Variants in RNLS observed in about 807,000 individuals in gnomAD.
RNLS encodes the protein renalase.
In RNLS, 39 loss-of-function variants were observed where a neutral mutation model predicts 39.8. The observed-to-expected ratio is 0.98, with a 90% CI of 0.76 to 1.28. The LOEUF (loss-of-function observed/expected upper bound fraction) is 1.28. Ranked by LOEUF, RNLS falls within the 50% of genes most tolerant of loss-of-function variation. RNLS has a pLI of 0.00. For missense variants in RNLS, 410 were observed against 413.3 expected (o/e 0.99, Z 0.07); for synonymous variants, 147 against 150.7 (o/e 0.98, Z 0.18).
chr10:88,472,433 G>A (rs1008552597), intron 4 of RNLS, among the ~76,000 whole-genome samples: 3 of 152,110 alleles, frequency 2.0e-5, no homozygotes, highest in Middle Eastern at 3.2e-3. Flanking sequence ...TAACAAGCCC[G>A]AGACAGGAGG....
chr10:88,330,451 T>C (rs562234658), intron 5 of RNLS, among the ~76,000 whole-genome samples: 76 of 152,278 alleles, frequency 5.0e-4, no homozygotes, highest in African/African-American at 1.7e-3. Flanking sequence ...CAAAATGAGA[T>C]AGAATATCTC....
chr10:88,545,700 A>C (rs1006627771), intron 4 of RNLS, among the ~76,000 whole-genome samples: 1 of 152,208 alleles, frequency 6.6e-6, no homozygotes, highest in African/African-American at 2.4e-5. Context: ...TGAAGAGTAT[A>C]ATTCAGCATT....
intron 4 of RNLS, among the ~76,000 whole-genome samples, chr10:88,563,310 TAG>T (rs1849294276): frequency 6.6e-6 from 1 of 152,138 alleles, no homozygotes; most frequent in Non-Finnish European, 1.5e-5. Context: ...ACTGTTTCCA[TAG>T]GAAAAGAGTT....
At chr10:88,247,042 T>C in the RNLS span, among the ~76,000 whole-genome samples, 3 of 152,164 alleles carry the variant, frequency 2.0e-5, no homozygotes, top group Non-Finnish European at 2.9e-5. Flanking sequence ...TAAGGAAGGA[T>C]GTGTGCAAAG....
intron 1 of RNLS, among the ~76,000 whole-genome samples, 172 bp from the exon 2 acceptor site, chr10:88,582,479 T>C (rs546184428): frequency 6.2e-4 from 95 of 152,340 alleles, no homozygotes; most frequent in African/African-American, 1.9e-3. Flanking sequence ...ATGAACAATG[T>C]AACAGTGTCC....
chr10:88,216,505 T>C, the RNLS span, among the ~76,000 whole-genome samples: 1 of 152,232 alleles, frequency 6.6e-6, no homozygotes, highest in Non-Finnish European at 1.5e-5. Context: ...CTTTCAAACC[T>C]AGCAGAAACA....
chr10:88,380,395 C>T lies in RNLS; in HGVS notation c.527-17670G>A, dbSNP rs575032747. Among the ~76,000 whole-genome samples, 256 of 99,034 alleles carry T rather than the reference C, an allele frequency of 2.6e-3. 2 individuals carry two copies. The highest frequency in any genetic ancestry group is 7.7e-3 in the African/African-American group (191 of 24,876). The allele number at this position is 99,034 out of a possible 152,430, so 65.0% of individuals were successfully genotyped here. A position where few individuals can be genotyped will look rare whatever the true frequency, so the allele number is the denominator to read the frequency against. Reference sequence around the variant, plus strand: ...TTTTTTTTTTTTTTTTTTTTTGAGACGACGGAGTCTCTCTCTGTCACCCAG... The same window carrying T: ...TTTTTTTTTTTTTTTTTTTTTGAGATGACGGAGTCTCTCTCTGTCACCCAG... On this transcript the variant is annotated intron_variant, in intron 4 of 6. Coordinates refer to ENST00000331772, the MANE Select transcript of RNLS (RefSeq NM_001031709.3).
chr10:88,376,343 A>G (rs1021090166), intron 4 of RNLS, among the ~76,000 whole-genome samples: 5 of 152,196 alleles, frequency 3.3e-5, no homozygotes, highest in African/African-American at 1.2e-4. Flanking sequence ...GGCACCTCAT[A>G]GAAAAATTTA....
At chr10:88,384,404 C>G (rs1016496254) in intron 4 of RNLS, among the ~76,000 whole-genome samples, 6 of 152,158 alleles carry the variant, frequency 3.9e-5, no homozygotes, top group African/African-American at 1.4e-4. Flanking sequence ...CCATTTTACA[C>G]ATGAAAAAAC....
intron 6 of RNLS, among the ~76,000 whole-genome samples, chr10:88,310,325 G>A (rs994251400): frequency 3.9e-5 from 6 of 152,080 alleles, no homozygotes; most frequent in South Asian, 2.1e-4. Context: ...AGGTAATAGC[G>A]GTATAACATT....
chr10:88,511,680 G>A (rs781260728), intron 4 of RNLS, among the ~76,000 whole-genome samples: 2 of 152,060 alleles, frequency 1.3e-5, no homozygotes, highest in African/African-American at 2.4e-5. Context: ...GCAAGAGGGA[G>A]TGCTGTCCCA....
At chr10:88,210,927 A>T in the RNLS span, among the ~76,000 whole-genome samples, 2 of 152,128 alleles carry the variant, frequency 1.3e-5, no homozygotes, top group African/African-American at 4.8e-5. Context: ...AGGTTGGCCT[A>T]TGTGTGGTTT....
At chr10:88,361,503 A>G (rs543938760) in intron 5 of RNLS, among the ~76,000 whole-genome samples, 1 of 152,362 alleles carries the variant, frequency 6.6e-6, no homozygotes, top group South Asian at 2.1e-4. Flanking sequence ...GCAGTTGTAG[A>G]GTTAAAAATA....
the RNLS span, among the ~76,000 whole-genome samples, chr10:88,215,990 G>T: frequency 6.6e-6 from 1 of 152,084 alleles, no homozygotes. Flanking sequence ...AAGCCACCGT[G>T]CCCGGCCTCA....
At chr10:88,370,743 G>A (rs188613710) in intron 4 of RNLS, among the ~76,000 whole-genome samples, 2 of 152,288 alleles carry the variant, frequency 1.3e-5, no homozygotes, top group African/African-American at 4.8e-5. Flanking sequence ...TGTAGAAATA[G>A]TGCTGAAAGT....
chr10:88,511,417 C>A (rs1846116306), intron 4 of RNLS, among the ~76,000 whole-genome samples: 1 of 152,036 alleles, frequency 6.6e-6, no homozygotes, highest in Non-Finnish European at 1.5e-5. Context: ...AAGGAAAGAA[C>A]CAGAAGTTTA....
intron 5 of RNLS, among the ~76,000 whole-genome samples, chr10:88,360,513 C>T (rs1435439455): frequency 6.6e-6 from 1 of 152,236 alleles, no homozygotes; most frequent in African/African-American, 2.4e-5. Flanking sequence ...TTGCTCACTG[C>T]AACCTCTGCC....
chr10:88,514,475 T>G (rs1846304494), intron 4 of RNLS, among the ~76,000 whole-genome samples: 1 of 152,104 alleles, frequency 6.6e-6, no homozygotes, highest in African/African-American at 2.4e-5. Context: ...AATACAATAT[T>G]GTTAACTAGA....
chr10:88,582,251 C>G lies in RNLS; in HGVS notation c.175G>C (p.Gly59Arg). 1 of 1,614,070 alleles carries G rather than the reference C, an allele frequency of 6.2e-7. No homozygotes were observed. The highest frequency in any genetic ancestry group is 8.5e-7 in the Non-Finnish European group (1 of 1,179,998). The change falls in exon 2 of 7, where the codon GGT (glycine) becomes CGT (arginine). Residue 59 changes from glycine (G) to arginine (R), a missense_variant. Physicochemically the swap from Gly to Arg is moderately radical, Grantham distance 125. Transcript: ENST00000331772. The part of the protein sequence containing the change: ...PHNPQCTADL[G>R]AQYITCTPHY... ...GGAGTGCAGGTGATGTACTGAGCAC[C>G]CAAGTCAGCTGTGCACTGAGGATTA...
Sources: allele counts gnomAD v4.1 joint callset (sites outside exome capture counted in the v4.1 genomes callset), GRCh38; gene constraint gnomAD v4.1.1; transcripts MANE v1.5; gene names NCBI Gene and HGNC (gene_info 2026-07-23, HGNC 2026-07-21).